The following LRP12 variants were observed in gnomAD, a reference collection of about 807,000 sequenced individuals.
The protein encoded by LRP12 is low-density lipoprotein receptor-related protein 12.
In LRP12, 14 loss-of-function variants were observed where a neutral mutation model predicts 66.0. The observed-to-expected ratio is 0.21, with a 90% confidence interval of 0.14 to 0.33. LRP12 has a LOEUF of 0.33. Among genes scored for constraint, LRP12 ranks in the 10% least tolerant of loss-of-function variants. The pLI is 1.00. For missense variants in LRP12, 889 were observed against 1,053.4 expected, an observed-to-expected ratio of 0.84 and a Z score of 2.16; for synonymous variants, 357 against 359.1, an observed-to-expected ratio of 0.99 and a Z score of 0.07.
At chr8:104,559,494 C>CT (rs1274658147) in intron 1 of LRP12, among the ~76,000 whole-genome samples, 3 of 152,186 alleles carry the variant, frequency 2.0e-5, no homozygotes, top group East Asian at 3.9e-4. Context: ...AGACTACACA[C>CT]TGGGTAATTT....
At chr8:104,493,173 AG>A (rs1426542810) in intron 6 of LRP12, among the ~76,000 whole-genome samples, 1 of 152,242 alleles carries the variant, frequency 6.6e-6, no homozygotes, top group Non-Finnish European at 1.5e-5. Flanking sequence ...CGAATGTTCT[AG>A]GAATAATTTC....
At chr8:104,579,718 G>A (rs561603827) in intron 1 of LRP12, among the ~76,000 whole-genome samples, 5 of 152,114 alleles carry the variant, frequency 3.3e-5, no homozygotes, top group African/African-American at 1.2e-4. Context: ...CATGGTACTC[G>A]TACAAAAACA....
chr8:104,563,153 C>T (rs1029233340), intron 1 of LRP12, among the ~76,000 whole-genome samples: 20 of 152,206 alleles, frequency 1.3e-4, no homozygotes, highest in African/African-American at 4.8e-4. Flanking sequence ...AGATACTTAA[C>T]CTTTTTGTTC....
intron 1 of LRP12, among the ~76,000 whole-genome samples, chr8:104,569,350 C>T (rs1812046858): frequency 6.6e-6 from 1 of 152,108 alleles, no homozygotes; most frequent in South Asian, 2.1e-4. Context: ...ATAGTGGTGA[C>T]AGTTGTGTAA....
At chr8:104,517,724 T>C (rs1264749578) in intron 2 of LRP12, among the ~76,000 whole-genome samples, 1 of 152,106 alleles carries the variant, frequency 6.6e-6, no homozygotes, top group African/African-American at 2.4e-5. Context: ...GAGTGTATTA[T>C]AAAGAATATT....
At chr8:104,581,533 A>G (rs987494375) in intron 1 of LRP12, among the ~76,000 whole-genome samples, 9 of 139,314 alleles carry the variant, frequency 6.5e-5, no homozygotes, top group Non-Finnish European at 1.1e-4. Flanking sequence ...CTTAAAAGTG[A>G]AAAAAAAAAA....
At chr8:104,556,923 T>C (rs992888915) in intron 1 of LRP12, among the ~76,000 whole-genome samples, 2 of 152,170 alleles carry the variant, frequency 1.3e-5, no homozygotes, top group Non-Finnish European at 2.9e-5. Flanking sequence ...CATGATCAAG[T>C]GGGTTTCATA....
chr8:104,588,867 G>A lies in LRP12; in HGVS notation c.31C>T (p.Pro11Ser), dbSNP rs1407231110. The A allele has an allele frequency of 3.7e-6, 6 of 1,611,824 alleles. No homozygotes were observed. The highest frequency in any genetic ancestry group is 5.1e-6 in the Non-Finnish European group (6 of 1,179,160). Residue 11 changes from proline (P) to serine (S), a missense_variant, in exon 1 of 7, where the codon CCG (proline) becomes TCG (serine). Pro to Ser is a moderately conservative substitution (Grantham distance 74, BLOSUM62 -1). Around this residue, in one of 3 missense-constraint regions of LRP12, gnomAD observed 88 missense variants for 72.5 expected, o/e 1.21. Transcript: ENST00000276654. ...AAGAGCAACGCAGACCTCCACCGCG[G>A]AGACTCTTTTGTGCTCCAGCGACAG... MACRWSTKES[P>S]RWRSALLLLF...
chr8:104,517,581 G>A (rs1005042683), intron 2 of LRP12, among the ~76,000 whole-genome samples: 1 of 151,968 alleles, frequency 6.6e-6, no homozygotes, highest in Non-Finnish European at 1.5e-5. Context: ...TCATCTTTTT[G>A]TACAATTTTA....
chr8:104,503,644 T>C (rs1810865060), intron 3 of LRP12, among the ~76,000 whole-genome samples: 1 of 152,154 alleles, frequency 6.6e-6, no homozygotes, highest in South Asian at 2.1e-4. Context: ...TTCTTAGAAA[T>C]TGATCTTATG....
At chr8:104,537,752 GAA>G (rs1391099695) in intron 1 of LRP12, among the ~76,000 whole-genome samples, 1 of 152,068 alleles carries the variant, frequency 6.6e-6, no homozygotes, top group Non-Finnish European at 1.5e-5. Flanking sequence ...CTAGGTAAGG[GAA>G]ATGAAATCAT....
intron 1 of LRP12, among the ~76,000 whole-genome samples, chr8:104,541,119 T>C (rs996377348): frequency 3.3e-5 from 5 of 152,224 alleles, no homozygotes; most frequent in African/African-American, 9.6e-5. Context: ...ATTTTATGTT[T>C]GAAATGTCTT....
In LRP12 at chr8:104,497,090, T is replaced by C. The variant is rs942023851; in HGVS notation, c.1462A>G (p.Ile488Val). Residue 488 changes from isoleucine (I) to valine (V), a missense_variant, in exon 5 of 7, where the codon ATC becomes GTC. Transcript: ENST00000276654. The surrounding 1 kb of genome is among the most constrained non-coding windows in gnomAD (Gnocchi z 4.3). ...DGSDEENCPV[I>V]VPTRVITAAV... ...GCAGTGATGACTCTTGTAGGCACGA[T>C]TACTGGGCAATTTTCTTCATCGCTG... The C allele has an allele frequency of 4.3e-6, 7 of 1,613,502 alleles. No homozygotes were observed. The African/African-American group carries it at 8.0e-5, about 18-fold the overall frequency.
At chr8:104,560,276 C>T (rs141455581) in intron 1 of LRP12, among the ~76,000 whole-genome samples, 1 of 152,030 alleles carries the variant, frequency 6.6e-6, no homozygotes, top group East Asian at 1.9e-4. Flanking sequence ...TACTGAAGAA[C>T]AGAATCAAGT....
intron 2 of LRP12, among the ~76,000 whole-genome samples, chr8:104,514,922 A>G (rs964028702): frequency 6.6e-6 from 1 of 152,196 alleles, no homozygotes; most frequent in Non-Finnish European, 1.5e-5. Flanking sequence ...GATGGCTACT[A>G]AGGCTGTGTT....
chr8:104,577,739 A>G (rs1812186995), intron 1 of LRP12, among the ~76,000 whole-genome samples: 3 of 145,294 alleles, frequency 2.1e-5, no homozygotes, highest in African/African-American at 7.7e-5. Flanking sequence ...TGAACCAGGG[A>G]GGCGGAGCTT....
chr8:104,521,306 T>C (rs899739974), intron 2 of LRP12, among the ~76,000 whole-genome samples: 1 of 151,826 alleles, frequency 6.6e-6, no homozygotes, highest in Non-Finnish European at 1.5e-5. Context: ...AGATTTGGGA[T>C]AGTCAACCTG....
chr8:104,534,366 A>G (rs1314497930), intron 1 of LRP12, among the ~76,000 whole-genome samples: 1 of 152,074 alleles, frequency 6.6e-6, no homozygotes, highest in African/African-American at 2.4e-5. Flanking sequence ...AACCTCTGGA[A>G]CTGGAATTAG....
Position 104,559,111 on chromosome 8 carries a change from C to A in LRP12, c.80-27148G>T, listed in dbSNP as rs188582466. 6.0e-3 allele frequency among the ~76,000 whole-genome samples: 912 copies of A among 152,268 alleles called. 9 individuals are homozygous for A. Among genetic ancestry groups the A allele is most frequent in the Admixed American group, 0.012 (191 of 15,282 alleles). On this transcript the variant is annotated intron_variant, in intron 1 of 6. Transcript: ENST00000276654. ...ATACAGCAATCCCACTACTAGGTAT[C>A]TACCCAGAGGAAAAGAAGTCATATG...
Sources: gnomAD v4.1 joint callset for allele counts (sites outside exome capture counted in the v4.1 genomes callset) on GRCh38, gnomAD v4.1.1 for gene constraint, gnomAD v4.1.1 regional missense constraint, Gnocchi (gnomAD v3.1) non-coding constraint, MANE v1.5 for transcripts, NCBI Gene and HGNC (gene_info 2026-07-23, HGNC 2026-07-21) for gene names.